Variants in CHKA observed in about 807,000 individuals in gnomAD.
The protein encoded by CHKA is CHETK-alpha.
Under a neutral mutation model 60.1 loss-of-function variants are expected in CHKA, and 34 were observed. The ratio of observed to expected loss-of-function variants is 0.57; its 90% confidence interval spans 0.43 to 0.75. The LOEUF (loss-of-function observed/expected upper bound fraction) is 0.75. Among genes scored for constraint, CHKA ranks in the 30% least tolerant of loss-of-function variants. The pLI, the probability that CHKA is intolerant of heterozygous loss-of-function variation, is 0.00. For missense variants in CHKA, 563 were observed against 561.3 expected (o/e 1.00, Z -0.03); for synonymous variants, 217 against 223.1 (o/e 0.97, Z 0.24).
intron 1 of CHKA, among the ~76,000 whole-genome samples, chr11:68,109,239 G>A (rs1481051765): frequency 1.3e-5 from 2 of 151,628 alleles, no homozygotes; most frequent in East Asian, 1.9e-4. Context: ...ACAGGCGCCC[G>A]CCACCACACT....
intron 2 of CHKA, among the ~76,000 whole-genome samples, chr11:68,087,376 G>A (rs1281418392): frequency 6.6e-6 from 1 of 151,992 alleles, no homozygotes; most frequent in Non-Finnish European, 1.5e-5. Flanking sequence ...CAGCTACTTG[G>A]AAGGCTGAGG....
intron 2 of CHKA, among the ~76,000 whole-genome samples, chr11:68,084,525 T>C (rs1013502953): frequency 1.3e-5 from 2 of 150,192 alleles, no homozygotes; most frequent in African/African-American, 4.9e-5. Context: ...TTAAAATACA[T>C]TGTATAAATA....
At chr11:68,085,143 A>G (rs929165489) in intron 2 of CHKA, among the ~76,000 whole-genome samples, 6 of 152,174 alleles carry the variant, frequency 3.9e-5, no homozygotes, top group Middle Eastern at 3.2e-3. Flanking sequence ...CCTGTGATGT[A>G]GGAAACAAAT....
chr11:68,086,918 G>T (rs577594579), intron 2 of CHKA, among the ~76,000 whole-genome samples: 145 of 152,228 alleles, frequency 9.5e-4, no homozygotes, highest in African/African-American at 3.4e-3. Flanking sequence ...CCCGGGAGGC[G>T]GAGCTTGCAG....
chr11:68,097,585 G>A (rs975393330), intron 1 of CHKA, among the ~76,000 whole-genome samples: 9 of 147,054 alleles, frequency 6.1e-5, no homozygotes, highest in African/African-American at 2.0e-4. Context: ...GCAGTGAGCC[G>A]AGATGGCACC....
chr11:68,070,109 G>T, intron 6 of CHKA, 80 bp downstream of exon 6: 1 of 1,030,590 alleles, frequency 9.7e-7, no homozygotes, highest in Non-Finnish European at 1.5e-6. Flanking sequence ...CCAGACATAA[G>T]GCAAGCTCAA....
chr11:68,116,618 G>C (rs572779722), intron 1 of CHKA, among the ~76,000 whole-genome samples: 1 of 151,974 alleles, frequency 6.6e-6, no homozygotes, highest in Non-Finnish European at 1.5e-5. Context: ...TCGGGAGGCC[G>C]AGGCAGGAGA....
rs141226549 is a variant in CHKA at position 68,085,323 on chromosome 11, G to A, written c.463-3866C>T. Among the ~76,000 whole-genome samples, 121 of 151,952 alleles carry A rather than the reference G, an allele frequency of 8.0e-4. 2 individuals carry two copies. The Middle Eastern group carries it at 0.01, about 13-fold the overall frequency. On this transcript the variant is annotated intron_variant, in intron 2 of 11. Coordinates refer to ENST00000265689, the MANE Select transcript of CHKA (RefSeq NM_001277.3). ...ACTGCAGCCTCAACCTCCCCAGGTC[G>A]AGCAATCCTCCTGTATTAGCCTCCC...
intron 1 of CHKA, among the ~76,000 whole-genome samples, chr11:68,109,302 G>A (rs758587821): frequency 3.9e-5 from 6 of 151,924 alleles, no homozygotes; most frequent in Non-Finnish European, 5.9e-5. Flanking sequence ...TGTTAGCCAG[G>A]ATGGTCTCGA....
chr11:68,062,159 A>C lies in CHKA; in HGVS notation c.1233-125T>G, dbSNP rs1321170849. On this transcript the variant is annotated intron_variant, in intron 10 of 11. Coordinates refer to ENST00000265689, the MANE Select transcript of CHKA (RefSeq NM_001277.3). Reference sequence around the variant, plus strand: ...ATGCAAACCTAGTTAGTGTTGGCAAATCATGGGTCTATATTCCACGGGACT... The same window carrying C: ...ATGCAAACCTAGTTAGTGTTGGCAACTCATGGGTCTATATTCCACGGGACT... 4.4e-6 allele frequency: 3 copies of C among 676,846 alleles called. No individual in the cohort carries two copies. The African/African-American group carries it at 5.5e-5, about 12-fold the overall frequency. 41.9% of individuals were successfully genotyped at this position (676,846 alleles called of 1,614,324 possible). A position where few individuals can be genotyped will look rare whatever the true frequency, so the allele number is the denominator to read the frequency against.
intron 7 of CHKA, among the ~76,000 whole-genome samples, chr11:68,066,849 G>A (rs1242507482): frequency 6.6e-6 from 1 of 152,222 alleles, no homozygotes; most frequent in Non-Finnish European, 1.5e-5. Context: ...GTGGCATGCA[G>A]GAGCTCGTGC....
chr11:68,104,674 G>A (rs1225218056), intron 1 of CHKA, among the ~76,000 whole-genome samples: 2 of 151,718 alleles, frequency 1.3e-5, no homozygotes, highest in African/African-American at 2.4e-5. Context: ...CAACCGCCTC[G>A]GCCTCCCAAA....
chr11:68,061,100 T>TG (rs1856225490), intron 11 of CHKA, among the ~76,000 whole-genome samples: 1 of 136,468 alleles, frequency 7.3e-6, no homozygotes, highest in African/African-American at 2.8e-5. Context: ...TGACAGTTTT[T>TG]TTTTTTTTTT....
chr11:68,059,922 T>A lies in CHKA; in HGVS notation c.1314+2031A>T, dbSNP rs867117410. On this transcript the variant is annotated intron_variant, in intron 11 of 11. Coordinates refer to ENST00000265689, the MANE Select transcript of CHKA (RefSeq NM_001277.3). ...TGGCAGGGAGAGTTGTAAGGCCCTA[T>A]CCCTCCTTCTGCGTGTGTTCCTCCT... Among the ~76,000 whole-genome samples, 8 of 152,280 alleles carry A rather than the reference T, an allele frequency of 5.3e-5. No individual in the cohort carries two copies. The Middle Eastern group carries it at 0.01, about 194-fold the overall frequency.
At chr11:68,105,697 G>C (rs948788455) in intron 1 of CHKA, among the ~76,000 whole-genome samples, 1 of 152,114 alleles carries the variant, frequency 6.6e-6, no homozygotes, top group Non-Finnish European at 1.5e-5. Flanking sequence ...TGACAAACCT[G>C]AGGAACTGTC....
intron 2 of CHKA, among the ~76,000 whole-genome samples, chr11:68,085,764 G>GTTTTGTT (rs1857158528): frequency 6.6e-6 from 1 of 151,716 alleles, no homozygotes; most frequent in Non-Finnish European, 1.5e-5. Context: ...TTTTTTGTTT[G>GTTTTGTT]TTTTGTTTTT....
At chr11:68,065,515 C>T (rs1590837813) in intron 9 of CHKA, among the ~76,000 whole-genome samples, 1 of 152,094 alleles carries the variant, frequency 6.6e-6, no homozygotes, top group African/African-American at 2.4e-5. Flanking sequence ...GCCTGGGCAA[C>T]TTGGTGAAAT....
chr11:68,118,013 G>GA (rs1235415733), intron 1 of CHKA, among the ~76,000 whole-genome samples: 1 of 152,230 alleles, frequency 6.6e-6, no homozygotes, highest in African/African-American at 2.4e-5. Flanking sequence ...CAAACGCAGA[G>GA]CGAAAGCAGA....
rs773098010 is a variant in CHKA at position 68,074,739 on chromosome 11, C to T, written c.608G>A (p.Gly203Asp). ...GPKLYGIFPQ[G>D]RLEQFIPSRR... ...TACCGGGATGAACTGCTCCAGTCGGCCTTGGGGAAAGATGCCATAGAGTTT... is the reference window on the plus strand; with the variant it reads ...TACCGGGATGAACTGCTCCAGTCGGTCTTGGGGAAAGATGCCATAGAGTTT... Residue 203 changes from glycine (G) to aspartate (D), a missense_variant, in exon 4 of 12, where the codon GGC (glycine) becomes GAC (aspartate). By Grantham distance (94) the Gly-to-Asp change is moderately conservative. Transcript: ENST00000265689. 3 of 1,614,212 alleles carry T rather than the reference C, an allele frequency of 1.9e-6. No homozygotes were observed. Among genetic ancestry groups the T allele is most frequent in the Non-Finnish European group, 2.5e-6 (3 of 1,180,020 alleles).
Sources: allele counts gnomAD v4.1 joint callset (sites outside exome capture counted in the v4.1 genomes callset), GRCh38; gene constraint gnomAD v4.1.1; transcripts MANE v1.5; gene names NCBI Gene and HGNC (gene_info 2026-07-23, HGNC 2026-07-21).